The following BAZ2B variants were observed in gnomAD, a reference collection of about 807,000 sequenced individuals.
The protein encoded by BAZ2B is bromodomain adjacent to zinc finger domain 2B.
In BAZ2B, 91 loss-of-function variants were observed where a neutral mutation model predicts 246.0. That is an observed-to-expected ratio of 0.37 (90% confidence interval 0.31 to 0.44). The LOEUF (loss-of-function observed/expected upper bound fraction) is 0.44. Among genes scored for constraint, BAZ2B ranks in the 20% least tolerant of loss-of-function variants. BAZ2B has a pLI of 1.00. For missense variants in BAZ2B, 2,332 were observed against 2,533.7 expected (o/e 0.92, Z 1.71); for synonymous variants, 855 against 860.0 (o/e 0.99, Z 0.10).
the BAZ2B span, among the ~76,000 whole-genome samples, chr2:159,660,964 TAC>T: frequency 6.6e-6 from 1 of 152,196 alleles, no homozygotes; most frequent in African/African-American, 2.4e-5. Flanking sequence ...TACACATATG[TAC>T]AGTCTACAAT....
At chr2:159,367,953 GCA>G in intron 27 of BAZ2B, among the ~76,000 whole-genome samples, 1 of 152,026 alleles carries the variant, frequency 6.6e-6, no homozygotes, top group East Asian at 1.9e-4. Flanking sequence ...TTAACTTTCA[GCA>G]CCCATTTATT....
chr2:159,606,857 T>C (rs796356810), intron 1 of BAZ2B, among the ~76,000 whole-genome samples: 51 of 152,156 alleles, frequency 3.4e-4, no homozygotes, highest in African/African-American at 1.2e-3. Context: ...AGATCTTTCA[T>C]ACATTTGTGT....
chr2:159,609,600 G>A (rs1694264755), intron 1 of BAZ2B, among the ~76,000 whole-genome samples: 1 of 152,172 alleles, frequency 6.6e-6, no homozygotes, highest in East Asian at 1.9e-4. Flanking sequence ...TACAATAGTT[G>A]TATAATCTAG....
the BAZ2B span, among the ~76,000 whole-genome samples, chr2:159,660,917 A>T: frequency 6.6e-6 from 1 of 152,204 alleles, no homozygotes; most frequent in African/African-American, 2.4e-5. Context: ...TTTTTATTTT[A>T]AAAATAGCAT....
intron 2 of BAZ2B, among the ~76,000 whole-genome samples, chr2:159,493,351 A>G (rs2080714854): frequency 6.6e-6 from 1 of 152,234 alleles, no homozygotes; most frequent in Non-Finnish European, 1.5e-5. Flanking sequence ...CACAGTGTCT[A>G]TCTAAATGAT....
the BAZ2B span, among the ~76,000 whole-genome samples, chr2:159,699,834 C>A: frequency 2.0e-5 from 3 of 152,220 alleles, no homozygotes; most frequent in Admixed American, 1.3e-4. Flanking sequence ...TGCTGCTTAT[C>A]TGCCATGTTC....
intron 27 of BAZ2B, among the ~76,000 whole-genome samples, chr2:159,352,970 T>C (rs907821786): frequency 6.6e-6 from 1 of 152,196 alleles, no homozygotes; most frequent in African/African-American, 2.4e-5. Context: ...TGAGATCCTG[T>C]CTCTAAAGAA....
intron 2 of BAZ2B, among the ~76,000 whole-genome samples, chr2:159,524,128 G>C (rs2084459493): frequency 6.6e-6 from 1 of 152,080 alleles, no homozygotes; most frequent in Non-Finnish European, 1.5e-5. Context: ...AAGAAGCCCA[G>C]TATGTGCTCA....
intron 27 of BAZ2B, among the ~76,000 whole-genome samples, chr2:159,357,753 T>A (rs2059265859): frequency 1.3e-5 from 2 of 152,178 alleles, no homozygotes; most frequent in Admixed American, 1.3e-4. Context: ...CCCATCAGAC[T>A]AACAGTAGAT....
chr2:159,412,143 G>C (rs750803313), intron 14 of BAZ2B, among the ~76,000 whole-genome samples, 192 bp downstream of exon 14: 3 of 152,130 alleles, frequency 2.0e-5, no homozygotes, highest in Non-Finnish European at 2.9e-5. Flanking sequence ...TATGAGTAAT[G>C]GTTCTTGAAA....
the BAZ2B span, among the ~76,000 whole-genome samples, chr2:159,646,168 G>A: frequency 6.6e-6 from 1 of 152,166 alleles, no homozygotes; most frequent in South Asian, 2.1e-4. Flanking sequence ...GGCCATTTTA[G>A]AGGCCCACCC....
At chr2:159,360,617 A>G (rs1256401543) in intron 27 of BAZ2B, among the ~76,000 whole-genome samples, 2 of 152,190 alleles carry the variant, frequency 1.3e-5, no homozygotes, top group Non-Finnish European at 2.9e-5. Flanking sequence ...TTCATATGGA[A>G]CCAAAAAAAG....
chr2:159,709,818 G>C, the BAZ2B span, among the ~76,000 whole-genome samples: 1 of 152,252 alleles, frequency 6.6e-6, no homozygotes, highest in Non-Finnish European at 1.5e-5. Flanking sequence ...AAACATAAGA[G>C]TAAAGGGTTG....
intron 33 of BAZ2B, among the ~76,000 whole-genome samples, chr2:159,335,827 G>A (rs2065574491): frequency 6.6e-6 from 1 of 152,130 alleles, no homozygotes; most frequent in South Asian, 2.1e-4. Flanking sequence ...TTCATGAAAA[G>A]AATCTCAAAT....
chr2:159,623,822 G>T, the BAZ2B span, among the ~76,000 whole-genome samples: 1 of 152,166 alleles, frequency 6.6e-6, no homozygotes, highest in Non-Finnish European at 1.5e-5. Flanking sequence ...CAAAAGCCTG[G>T]AAATAATCCA....
intron 3 of BAZ2B, among the ~76,000 whole-genome samples, chr2:159,467,671 G>A (rs2077248099): frequency 3.4e-5 from 5 of 146,562 alleles, no homozygotes; most frequent in Admixed American, 2.1e-4. Context: ...ATTTATTTTG[G>A]GGTCGGAGAC....
At chr2:159,482,155 T>C (rs1162549172) in intron 2 of BAZ2B, among the ~76,000 whole-genome samples, 1 of 147,762 alleles carries the variant, frequency 6.8e-6, no homozygotes, top group Non-Finnish European at 1.5e-5. Flanking sequence ...ACCCACAAAG[T>C]CTTCCATATA....
chr2:159,420,209 A>G (rs776536333), intron 13 of BAZ2B, among the ~76,000 whole-genome samples: 1 of 152,196 alleles, frequency 6.6e-6, no homozygotes, highest in Non-Finnish European at 1.5e-5. Flanking sequence ...GTGTGTTCAC[A>G]ATTTGCTCTA....
At chr2:159,563,384 G>T (rs182503984) in intron 1 of BAZ2B, among the ~76,000 whole-genome samples, 1 of 152,154 alleles carries the variant, frequency 6.6e-6, no homozygotes, top group Admixed American at 6.5e-5. Flanking sequence ...CTTCACAAGG[G>T]ATATTGTGAA....
Sources: allele counts gnomAD v4.1 joint callset (sites outside exome capture counted in the v4.1 genomes callset), GRCh38; gene constraint gnomAD v4.1.1; transcripts MANE v1.5; gene names NCBI Gene and HGNC (gene_info 2026-07-23, HGNC 2026-07-21).